The following NDST4 variants were observed in gnomAD, a reference collection of about 807,000 sequenced individuals.
The protein encoded by NDST4 is N-deacetylase and N-sulfotransferase 4, also known as N-heparan sulfate sulfotransferase 4.
In NDST4, 63 loss-of-function variants were observed where a neutral mutation model predicts 100.8. The ratio of observed to expected loss-of-function variants is 0.62; its 90% CI spans 0.51 to 0.77. The LOEUF (loss-of-function observed/expected upper bound fraction) is 0.77, where lower values mean the gene tolerates loss of function less well. Ranked by LOEUF, NDST4 falls within the 30% of genes least tolerant of loss-of-function variation. NDST4 has a pLI of 0.00. For synonymous variants in NDST4, 377 were observed against 361.8 expected, an observed-to-expected ratio of 1.04 and a Z score of -0.48; for missense variants, 943 against 1,018.4, an observed-to-expected ratio of 0.93 and a Z score of 1.01.
In NDST4 at chr4:114,852,602, AT is replaced by A. The variant is rs1474960288; in HGVS notation, c.1816+122del. 4 of 590,962 alleles carry A rather than the reference AT, an allele frequency of 6.8e-6. No homozygotes were observed. The Admixed American group carries it at 9.9e-5, about 15-fold the overall frequency. The allele number at this position is 590,962 out of a possible 1,614,324, so 36.6% of individuals were successfully genotyped here. A position where few individuals can be genotyped will look rare whatever the true frequency, so the allele number is the denominator to read the frequency against. ...ATGGAGATGACAAGCAGTTCAAATAATAAACTTGCATGGATAGCTAAATATT... is the reference window on the plus strand; with the variant it reads ...ATGGAGATGACAAGCAGTTCAAATAAAAACTTGCATGGATAGCTAAATATT... On this transcript the variant is annotated intron_variant, in intron 8 of 13. Coordinates refer to ENST00000264363, the MANE Select transcript of NDST4 (RefSeq NM_022569.3).
At chr4:114,944,362 C>A (rs1725815296) in intron 4 of NDST4, among the ~76,000 whole-genome samples, 1 of 152,206 alleles carries the variant, frequency 6.6e-6, no homozygotes, top group Non-Finnish European at 1.5e-5. Context: ...CCCAACCCCA[C>A]ATCACATATA....
At chr4:114,911,498 T>C (rs1446965432) in intron 6 of NDST4, among the ~76,000 whole-genome samples, 1 of 152,174 alleles carries the variant, frequency 6.6e-6, no homozygotes, top group African/African-American at 2.4e-5. Context: ...CTCCCCCTTA[T>C]AATATAATCT....
In NDST4 at chr4:115,098,280, A is replaced by G. The variant is rs558946364; in HGVS notation, c.-247+15164T>C. Among the ~76,000 whole-genome samples the G allele has an allele frequency of 2.6e-5, 4 of 152,274 alleles. No homozygotes were observed. In the South Asian group the frequency reaches 8.3e-4, roughly 32 times the overall value. ...GATAAAAAGGTCTTACTCAAATTCTAGAGAGTTTAAATTTGTTTAAAATTG... is the reference window on the plus strand; with the variant it reads ...GATAAAAAGGTCTTACTCAAATTCTGGAGAGTTTAAATTTGTTTAAAATTG... On this transcript the variant is annotated intron_variant, in intron 1 of 13. Transcript: ENST00000264363.
chr4:114,856,865 T>A (rs993247125), intron 7 of NDST4, among the ~76,000 whole-genome samples: 1 of 152,206 alleles, frequency 6.6e-6, no homozygotes, highest in African/African-American at 2.4e-5. Context: ...GGTCTGGACA[T>A]CTTGAGCACA....
At chr4:114,993,857 T>C (rs1323157965) in intron 2 of NDST4, among the ~76,000 whole-genome samples, 10 of 151,998 alleles carry the variant, frequency 6.6e-5, no homozygotes, top group Non-Finnish European at 1.5e-4. Flanking sequence ...TCATGATTCA[T>C]AAGTGATCAC....
At chr4:114,993,246 T>C (rs1444208864) in intron 2 of NDST4, among the ~76,000 whole-genome samples, 1 of 151,920 alleles carries the variant, frequency 6.6e-6, no homozygotes, top group Non-Finnish European at 1.5e-5. Context: ...CATCTGGGTG[T>C]GCACTACTAA....
chr4:114,848,146 A>T (rs1578341366), intron 9 of NDST4, 69 bp downstream of exon 9: 4 of 1,322,588 alleles, frequency 3.0e-6, no homozygotes, highest in East Asian at 4.7e-5. Context: ...CCACACATAC[A>T]TCTGTAATTG....
rs182995315 is a variant in NDST4 at position 115,100,212 on chromosome 4, A to T, written c.-247+13232T>A. Among the ~76,000 whole-genome samples, 439 of 152,138 alleles carry T rather than the reference A, an allele frequency of 2.9e-3. 3 individuals are homozygous for T. Among genetic ancestry groups the T allele is most frequent in the South Asian group, 4.6e-3 (22 of 4,826 alleles). ...CACAGGTGATATTTAGGGTAGTGAA[A>T]TTTTTCTATTTAATACTATGAAAAT... On this transcript the variant is annotated intron_variant, in intron 1 of 13. Transcript: ENST00000264363.
chr4:115,001,200 T>C (rs994681149), intron 2 of NDST4, among the ~76,000 whole-genome samples: 3 of 152,094 alleles, frequency 2.0e-5, no homozygotes, highest in Non-Finnish European at 4.4e-5. Flanking sequence ...TCCTTTTTAC[T>C]GGTAATAGCA....
Position 114,827,966 on chromosome 4 carries a change from A to C in NDST4, c.2500-31T>G, listed in dbSNP as rs370423946. On this transcript the variant is annotated intron_variant, in intron 13 of 13. Coordinates refer to ENST00000264363, the MANE Select transcript of NDST4 (RefSeq NM_022569.3). The stretch of plus-strand genomic sequence containing the variant: ...AAGAAAAAAAGAAGAACTTGAAAGA[A>C]GCTCTTTGTTTCATCAAACAGGATA... The C allele has an allele frequency of 5.1e-6, 8 of 1,573,078 alleles. No homozygotes were observed. In the African/African-American group the frequency reaches 1.1e-4, roughly 22 times the overall value.
chr4:115,066,079 G>A (rs1223974858), intron 2 of NDST4, among the ~76,000 whole-genome samples: 1 of 152,140 alleles, frequency 6.6e-6, no homozygotes, highest in African/African-American at 2.4e-5. Context: ...GTACAATCAT[G>A]TTGGCATGAT....
At position 114,836,048 on chromosome 4, in the gene NDST4, G is replaced by A. The variant is rs561353527; in HGVS notation, c.2287-2333C>T. Among the ~76,000 whole-genome samples, 10 of 152,250 alleles carry A rather than the reference G, an allele frequency of 6.6e-5. No individual in the cohort carries two copies. The East Asian group carries it at 1.9e-3, about 29-fold the overall frequency. On this transcript the variant is annotated intron_variant, in intron 11 of 13. Transcript: ENST00000264363. ...TCTCCTGAATACAGCATACCAGTGG[G>A]CCTTGAATATGTATCTGATTTGCCA...
At chr4:114,963,684 A>G (rs983072304) in intron 4 of NDST4, among the ~76,000 whole-genome samples, 3 of 152,156 alleles carry the variant, frequency 2.0e-5, no homozygotes, top group Admixed American at 6.6e-5. Context: ...TTCTAAATAC[A>G]TTTTCAACTA....
intron 1 of NDST4, among the ~76,000 whole-genome samples, chr4:115,104,568 A>T (rs1729799769): frequency 6.6e-6 from 1 of 152,138 alleles, no homozygotes; most frequent in Non-Finnish European, 1.5e-5. Flanking sequence ...AAAATAGAGG[A>T]AAACTATTTG....
chr4:115,015,799 G>A (rs1269827553), intron 2 of NDST4, among the ~76,000 whole-genome samples: 3 of 151,984 alleles, frequency 2.0e-5, no homozygotes, highest in Non-Finnish European at 4.4e-5. Flanking sequence ...CAGCAATATG[G>A]ACTCCTACTT....
Position 114,845,966 on chromosome 4 carries a change from T to C in NDST4, c.1972A>G (p.Thr658Ala). 6.2e-7 allele frequency: 1 copy of C among 1,613,238 alleles called. No individual in the cohort carries two copies. The highest frequency in any genetic ancestry group is 8.5e-7 in the Non-Finnish European group (1 of 1,179,306). The change falls in exon 10 of 14, where the codon ACT becomes GCT. Residue 658 changes from threonine (T) to alanine (A), a missense_variant. Thr to Ala is a moderately conservative substitution (Grantham distance 58, BLOSUM62 0). Around this residue, in one of 2 missense-constraint regions of NDST4, gnomAD observed 526 missense variants for 634.1 expected, o/e 0.83. Transcript: ENST00000264363. The part of the protein sequence containing the change: ...YMDFFPTPSN[T>A]TSDFLFEKSA... ...TTTTCAAACAGAAAGTCACTTGTAG[T>C]ATTGGATGGTGTAGGGAAAAAGTCC...
At chr4:114,848,849 T>C (rs1385177975) in intron 8 of NDST4, among the ~76,000 whole-genome samples, 2 of 152,180 alleles carry the variant, frequency 1.3e-5, no homozygotes, top group East Asian at 3.9e-4. Context: ...TCAATGAACT[T>C]AAAGTCCCTG....
chr4:114,899,167 T>C (rs1444319691), intron 6 of NDST4, among the ~76,000 whole-genome samples: 1 of 151,862 alleles, frequency 6.6e-6, no homozygotes, highest in Non-Finnish European at 1.5e-5. Context: ...CTACAGATTT[T>C]TATCGTTTTT....
intron 7 of NDST4, among the ~76,000 whole-genome samples, chr4:114,858,880 A>G (rs1458030196): frequency 1.3e-5 from 2 of 152,174 alleles, no homozygotes; most frequent in East Asian, 1.9e-4. Flanking sequence ...GTCACTTTGG[A>G]CTTTTTGTGC....
Sources: gnomAD v4.1 joint callset for allele counts (sites outside exome capture counted in the v4.1 genomes callset) on GRCh38, gnomAD v4.1.1 for gene constraint, gnomAD v4.1.1 regional missense constraint, MANE v1.5 for transcripts, NCBI Gene and HGNC (gene_info 2026-07-23, HGNC 2026-07-21) for gene names.